The following CLDN16 variants were observed in gnomAD, a reference collection of about 807,000 sequenced individuals.
CLDN16 encodes the protein claudin 16, also known as claudin-16.
In CLDN16, 13 loss-of-function variants were observed where a neutral mutation model predicts 24.6. The observed-to-expected ratio is 0.53, with a 90% CI of 0.34 to 0.84. CLDN16 has a LOEUF of 0.84. CLDN16 is among the 40% of genes least tolerant of loss of function. The pLI is 0.01. For synonymous variants in CLDN16, 116 were observed against 106.7 expected, an observed-to-expected ratio of 1.09 and a Z score of -0.54; for missense variants, 298 against 292.7, an observed-to-expected ratio of 1.02 and a Z score of -0.13.
chr3:190,322,948 T>C (rs1716972125), intron 1 of CLDN16, among the ~76,000 whole-genome samples: 2 of 151,240 alleles, frequency 1.3e-5, no homozygotes, highest in African/African-American at 4.9e-5. Flanking sequence ...GCAAGGAGCC[T>C]CAGAGACTTT....
At chr3:190,394,813 C>A (rs942079119) in intron 1 of CLDN16, among the ~76,000 whole-genome samples, 5 of 151,918 alleles carry the variant, frequency 3.3e-5, no homozygotes, top group Admixed American at 6.6e-5. Flanking sequence ...TTTTTTAAAG[C>A]AAGATTTCGT....
At chr3:190,322,329 C>G, upstream of CLDN16, 1 of 891,148 alleles carries the variant, frequency 1.1e-6, no homozygotes, top group Non-Finnish European at 1.8e-6. Context: ...GGCGGGGAGC[C>G]CTGCTCGCTG....
chr3:190,332,599 G>T (rs1005240518), intron 1 of CLDN16, among the ~76,000 whole-genome samples: 1 of 152,080 alleles, frequency 6.6e-6, no homozygotes, highest in Non-Finnish European at 1.5e-5. Flanking sequence ...TATCTCTAAG[G>T]TCTCCTCCGA....
chr3:190,365,108 C>T (rs933757231), intron 1 of CLDN16, among the ~76,000 whole-genome samples: 2 of 151,848 alleles, frequency 1.3e-5, no homozygotes, highest in African/African-American at 4.8e-5. Flanking sequence ...TTTATCTCTT[C>T]CTAAGAACAC....
chr3:190,351,594 A>G (rs1427390037), intron 1 of CLDN16, among the ~76,000 whole-genome samples: 2 of 152,174 alleles, frequency 1.3e-5, no homozygotes, highest in African/African-American at 4.8e-5. Context: ...GAATTAATAG[A>G]ACATTTTATT....
the CLDN16 span, among the ~76,000 whole-genome samples, chr3:190,316,995 A>C: frequency 1.0e-3 from 156 of 152,164 alleles, no homozygotes; most frequent in Non-Finnish European, 1.7e-3. Flanking sequence ...TATGTATCTA[A>C]TGAGCTTCAA....
chr3:190,300,821 A>T, the CLDN16 span, among the ~76,000 whole-genome samples: 1 of 152,206 alleles, frequency 6.6e-6, no homozygotes, highest in Non-Finnish European at 1.5e-5. Flanking sequence ...ATTAAATTAT[A>T]AAGATGCAAT....
upstream of CLDN16, among the ~76,000 whole-genome samples, chr3:190,321,237 G>A (rs562703312): frequency 5.3e-4 from 81 of 152,162 alleles, no homozygotes; most frequent in African/African-American, 1.9e-3. Context: ...TGTTGCGCAG[G>A]TTATTTAGAA....
At chr3:190,297,713 A>T in the CLDN16 span, among the ~76,000 whole-genome samples, 24 of 140,122 alleles carry the variant, frequency 1.7e-4, no homozygotes, top group African/African-American at 6.3e-4. Flanking sequence ...AATATATATT[A>T]CATATATTTA....
chr3:190,296,805 C>G, the CLDN16 span, among the ~76,000 whole-genome samples: 1 of 152,108 alleles, frequency 6.6e-6, no homozygotes, highest in East Asian at 1.9e-4. Context: ...CCGTCTTGGC[C>G]TCCCAAAGTG....
At chr3:190,360,310 A>AAACCTCAC (rs1348683808) in intron 1 of CLDN16, among the ~76,000 whole-genome samples, 2 of 151,914 alleles carry the variant, frequency 1.3e-5, no homozygotes, top group African/African-American at 4.8e-5. Flanking sequence ...AGGAGGCCTG[A>AAACCTCAC]AACCTCACAT....
the CLDN16 span, among the ~76,000 whole-genome samples, chr3:190,316,807 T>G: frequency 1.3e-5 from 2 of 152,174 alleles, no homozygotes; most frequent in Non-Finnish European, 2.9e-5. Context: ...GTAAAAATAC[T>G]TATTCTCTTG....
At chr3:190,345,742 A>C (rs1323697920) in intron 1 of CLDN16, among the ~76,000 whole-genome samples, 4 of 152,162 alleles carry the variant, frequency 2.6e-5, no homozygotes, top group African/African-American at 9.6e-5. Flanking sequence ...GAAGAGGCTA[A>C]AATAAACACA....
At chr3:190,349,143 TG>T (rs1322930459) in intron 1 of CLDN16, among the ~76,000 whole-genome samples, 3 of 152,224 alleles carry the variant, frequency 2.0e-5, no homozygotes, top group Non-Finnish European at 4.4e-5. Flanking sequence ...GTATGGTTTT[TG>T]TGTCCCCACC....
At chr3:190,329,281 T>C (rs1717133867) in intron 1 of CLDN16, among the ~76,000 whole-genome samples, 1 of 152,168 alleles carries the variant, frequency 6.6e-6, no homozygotes, top group African/African-American at 2.4e-5. Flanking sequence ...AGTGAATATT[T>C]ATACCTTTAT....
At position 190,402,577 on chromosome 3, in the gene CLDN16, T is replaced by C. The variant is rs908877703; in HGVS notation, c.217+138T>C. On this transcript the variant is annotated intron_variant, in intron 2 of 4. Transcript: ENST00000264734. ...AGTTTGTAATGGTTAGAAATTGAGC[T>C]CATCTCGGAAATGTGAATTGAAATA... 1.5e-5 allele frequency: 11 copies of C among 714,206 alleles called. No homozygotes were observed. The African/African-American group carries it at 1.7e-4, about 11-fold the overall frequency. 44.2% of individuals were successfully genotyped at this position (714,206 alleles called of 1,614,324 possible).
chr3:190,390,814 C>T (rs1449569940), intron 1 of CLDN16, among the ~76,000 whole-genome samples: 1 of 152,022 alleles, frequency 6.6e-6, no homozygotes, highest in Admixed American at 6.6e-5. Flanking sequence ...TAGATTTGGT[C>T]TCACGCTGTC....
chr3:190,371,466 A>G (rs1297698359), intron 2 of CLDN16, among the ~76,000 whole-genome samples: 1 of 151,902 alleles, frequency 6.6e-6, no homozygotes, highest in Non-Finnish European at 1.5e-5. Context: ...ATCTCTATTA[A>G]GAAGGAACTT....
chr3:190,378,270 G>C (rs1384134108), intron 3 of CLDN16, among the ~76,000 whole-genome samples: 2 of 151,996 alleles, frequency 1.3e-5, no homozygotes, highest in Non-Finnish European at 2.9e-5. Flanking sequence ...GATCCTTGAA[G>C]ATGAAGGAGG....
Sources: gnomAD v4.1 joint callset for allele counts (sites outside exome capture counted in the v4.1 genomes callset) on GRCh38, gnomAD v4.1.1 for gene constraint, MANE v1.5 for transcripts, NCBI Gene and HGNC (gene_info 2026-07-23, HGNC 2026-07-21) for gene names.